COL24A1: variants seen among roughly 807,000 people sequenced by gnomAD.
The protein encoded by COL24A1 is collagen type XXIV alpha 1 chain, also known as collagen alpha-1(XXIV) chain.
In COL24A1, 224 loss-of-function variants were observed where a neutral mutation model predicts 253.9. The observed-to-expected ratio is 0.88, with a 90% CI of 0.79 to 0.99. COL24A1 has a LOEUF of 0.99. COL24A1 is among the 50% of genes least tolerant of loss of function. The pLI, the probability that COL24A1 is intolerant of heterozygous loss-of-function variation, is 0.00. For missense variants in COL24A1, 2,131 were observed against 2,068.5 expected (o/e 1.03, Z -0.59); for synonymous variants, 685 against 673.7 (o/e 1.02, Z -0.26).
chr1:85,991,219 A>G (rs377255069), intron 19 of COL24A1, among the ~76,000 whole-genome samples: 1 of 152,220 alleles, frequency 6.6e-6, no homozygotes, highest in African/African-American at 2.4e-5. Context: ...GCAGAACTAC[A>G]CCATGAGACT....
At chr1:86,139,665 C>A (rs1309250768) in intron 2 of COL24A1, among the ~76,000 whole-genome samples, 1 of 151,986 alleles carries the variant, frequency 6.6e-6, no homozygotes, top group African/African-American at 2.4e-5. Context: ...TATAACATAG[C>A]ACTTAAATTT....
chr1:85,799,197 T>G (rs1671137055), intron 47 of COL24A1, among the ~76,000 whole-genome samples: 1 of 58,038 alleles, frequency 1.7e-5, no homozygotes, highest in South Asian at 7.0e-4. Flanking sequence ...AATTCTTTAA[T>G]TCCTTGGCCA....
At chr1:85,858,589 T>A (rs1245550693) in intron 37 of COL24A1, among the ~76,000 whole-genome samples, 1 of 141,046 alleles carries the variant, frequency 7.1e-6, no homozygotes, top group Non-Finnish European at 1.6e-5. Context: ...TCACTCCACA[T>A]CCCAATAACA....
intron 43 of COL24A1, among the ~76,000 whole-genome samples, chr1:85,837,879 CTG>C (rs1313731957): frequency 1.3e-5 from 2 of 152,022 alleles, no homozygotes; most frequent in Non-Finnish European, 2.9e-5. Flanking sequence ...ACCTCTAACT[CTG>C]TAAAGCAATT....
Position 85,756,378 on chromosome 1 carries a change from C to T in COL24A1, c.4437+5018G>A, listed in dbSNP as rs530965204. Reference sequence around the variant, plus strand: ...AGGTTGCCGTGAGCTGAGATCGCACCACTGCACTCCAGCTTGGGCAACACA... The same window carrying T: ...AGGTTGCCGTGAGCTGAGATCGCACTACTGCACTCCAGCTTGGGCAACACA... On this transcript the variant is annotated intron_variant, in intron 55 of 59. Transcript: ENST00000370571. 1.3e-4 allele frequency among the ~76,000 whole-genome samples: 19 copies of T among 151,856 alleles called. No homozygotes were observed. The East Asian group carries it at 2.7e-3, about 22-fold the overall frequency.
intron 6 of COL24A1, among the ~76,000 whole-genome samples, chr1:86,091,676 T>C (rs1035422386): frequency 9.9e-5 from 15 of 152,130 alleles, no homozygotes; most frequent in Admixed American, 5.9e-4. Flanking sequence ...CTAAAATATG[T>C]ATATGTTTGT....
intron 39 of COL24A1, among the ~76,000 whole-genome samples, chr1:85,847,219 C>T (rs1677230834): frequency 6.6e-6 from 1 of 152,100 alleles, no homozygotes. Context: ...AGATTTATCA[C>T]AATTGGTTAG....
At chr1:86,134,518 G>C (rs1196729724) in intron 2 of COL24A1, among the ~76,000 whole-genome samples, 2 of 143,588 alleles carry the variant, frequency 1.4e-5, no homozygotes, top group Non-Finnish European at 1.5e-5. Flanking sequence ...ACACTGCTTT[G>C]AATGTGTCCC....
Position 85,765,208 on chromosome 1 carries a change from T to A in COL24A1, c.4375-3642A>T, listed in dbSNP as rs185372965. Among the ~76,000 whole-genome samples the A allele has an allele frequency of 3.3e-5, 5 of 152,262 alleles. No individual in the cohort carries two copies. In the East Asian group the frequency reaches 9.6e-4, roughly 29 times the overall value. ...TGGAGGCAAATAAGACAACTGCTAA[T>A]CAAGAACTGTGAAGACATATTAACT... On this transcript the variant is annotated intron_variant, in intron 53 of 59. Coordinates refer to ENST00000370571, the MANE Select transcript of COL24A1 (RefSeq NM_152890.7).
chr1:85,957,312 C>T (rs1354318115), intron 24 of COL24A1, among the ~76,000 whole-genome samples: 1 of 152,060 alleles, frequency 6.6e-6, no homozygotes, highest in Non-Finnish European at 1.5e-5. Flanking sequence ...ACCTATGTAA[C>T]AAACCTGCGC....
intron 20 of COL24A1, among the ~76,000 whole-genome samples, chr1:85,985,501 A>G (rs1693648187): frequency 6.6e-6 from 1 of 151,830 alleles, no homozygotes; most frequent in African/African-American, 2.4e-5. Flanking sequence ...TTTAAGCAAA[A>G]GAGTGACATG....
chr1:86,036,495 A>G (rs915501630), intron 12 of COL24A1, among the ~76,000 whole-genome samples: 4 of 152,124 alleles, frequency 2.6e-5, no homozygotes, highest in African/African-American at 4.8e-5. Context: ...TTGGCTCCTT[A>G]TTAGACACAT....
chr1:85,769,042 T>G (rs1667684672), intron 53 of COL24A1, among the ~76,000 whole-genome samples: 1 of 152,202 alleles, frequency 6.6e-6, no homozygotes, highest in Non-Finnish European at 1.5e-5. Flanking sequence ...TTAAATTTTA[T>G]CCTCTAGAGT....
At chr1:85,740,422 CAT>C (rs1235438454) in intron 57 of COL24A1, among the ~76,000 whole-genome samples, 10 of 152,150 alleles carry the variant, frequency 6.6e-5, no homozygotes, top group African/African-American at 2.4e-4. Context: ...TATCTACCCA[CAT>C]GTCTGTGCTT....
At chr1:86,115,502 T>C (rs1706056216) in intron 3 of COL24A1, 124 bp from the exon 4 acceptor site, 1 of 871,890 alleles carries the variant, frequency 1.1e-6, no homozygotes, top group East Asian at 2.6e-5. Flanking sequence ...CTGGTGATGA[T>C]TTTTAAGTAA....
intron 37 of COL24A1, among the ~76,000 whole-genome samples, chr1:85,865,177 T>C (rs756161875): frequency 5.3e-5 from 8 of 152,102 alleles, no homozygotes; most frequent in Non-Finnish European, 1.0e-4. Context: ...AAAAGTTTTA[T>C]TTCTTTCTCT....
chr1:85,912,387 T>C (rs1361560717), intron 24 of COL24A1, among the ~76,000 whole-genome samples: 1 of 152,198 alleles, frequency 6.6e-6, no homozygotes, highest in African/African-American at 2.4e-5. Context: ...ACATAATCTC[T>C]TTCTTGTCTT....
At chr1:86,098,032 C>G (rs1271033881) in intron 5 of COL24A1, among the ~76,000 whole-genome samples, 1 of 152,074 alleles carries the variant, frequency 6.6e-6, no homozygotes, top group Admixed American at 6.6e-5. Flanking sequence ...ATACATAAAA[C>G]AACATTATGT....
At chr1:85,850,278 T>C (rs1297793523) in intron 37 of COL24A1, among the ~76,000 whole-genome samples, 1 of 152,106 alleles carries the variant, frequency 6.6e-6, no homozygotes, top group East Asian at 1.9e-4. Context: ...TCGCTGGAAA[T>C]GAAAATAGAA....
Sources: gnomAD v4.1 joint callset for allele counts (sites outside exome capture counted in the v4.1 genomes callset) on GRCh38, gnomAD v4.1.1 for gene constraint, MANE v1.5 for transcripts, NCBI Gene and HGNC (gene_info 2026-07-23, HGNC 2026-07-21) for gene names.